The following PDE1A variants were observed in gnomAD, a reference collection of about 807,000 sequenced individuals.
The protein encoded by PDE1A is dual specificity calcium/calmodulin-dependent 3',5'-cyclic nucleotide phosphodiesterase 1A.
PDE1A carries 35 observed loss-of-function variants against 61.7 expected under a neutral mutation model. The observed-to-expected ratio is 0.57, with a 90% CI of 0.43 to 0.75. The LOEUF is 0.75. Ranked by LOEUF, PDE1A falls within the 30% of genes least tolerant of loss-of-function variation. The pLI, the probability that PDE1A is intolerant of heterozygous loss-of-function variation, is 0.00. For synonymous variants in PDE1A, 232 were observed against 213.2 expected (o/e 1.09, Z -0.77); for missense variants, 597 against 630.6 (o/e 0.95, Z 0.57).
At chr2:182,328,773 A>G (rs1697213702) in intron 1 of PDE1A, among the ~76,000 whole-genome samples, 1 of 152,240 alleles carries the variant, frequency 6.6e-6, no homozygotes, top group Non-Finnish European at 1.5e-5. Context: ...AAATACTTCT[A>G]GAGACTGTGA....
chr2:182,642,050 A>C, the PDE1A span, among the ~76,000 whole-genome samples: 1 of 152,248 alleles, frequency 6.6e-6, no homozygotes, highest in Non-Finnish European at 1.5e-5. Context: ...GTTTTCACGG[A>C]AAGGTTTCAT....
At chr2:182,609,490 G>A in the PDE1A span, among the ~76,000 whole-genome samples, 14 of 152,264 alleles carry the variant, frequency 9.2e-5, no homozygotes, top group African/African-American at 1.7e-4. Flanking sequence ...AACGCTTACC[G>A]TGAAGGTCTG....
At chr2:182,643,664 A>G in the PDE1A span, among the ~76,000 whole-genome samples, 1 of 152,174 alleles carries the variant, frequency 6.6e-6, no homozygotes, top group South Asian at 2.1e-4. Context: ...AACTATTAGC[A>G]TTGCTCTTTA....
chr2:182,663,921 C>T, the PDE1A span, among the ~76,000 whole-genome samples: 1 of 151,896 alleles, frequency 6.6e-6, no homozygotes, highest in Non-Finnish European at 1.5e-5. Context: ...ATTAAGAGTC[C>T]CCATTTTCTA....
chr2:182,635,010 T>C, the PDE1A span, among the ~76,000 whole-genome samples: 1 of 152,090 alleles, frequency 6.6e-6, no homozygotes, highest in East Asian at 1.9e-4. Flanking sequence ...AAAAGCATAA[T>C]CTGAATTTTA....
At chr2:182,690,634 C>G in the PDE1A span, among the ~76,000 whole-genome samples, 1 of 152,166 alleles carries the variant, frequency 6.6e-6, no homozygotes, top group African/African-American at 2.4e-5. Flanking sequence ...CAGGGATGCC[C>G]TCTCTCACCA....
intron 10 of PDE1A, among the ~76,000 whole-genome samples, chr2:182,201,032 A>C (rs1387459005): frequency 6.6e-6 from 1 of 152,198 alleles, no homozygotes; most frequent in East Asian, 1.9e-4. Context: ...GTGTCCACCC[A>C]GCTAAAGCAA....
intron 13 of PDE1A, among the ~76,000 whole-genome samples, chr2:182,185,008 G>A (rs76369280): frequency 0.015 from 2,261 of 152,128 alleles, 31 homozygotes; most frequent in South Asian, 0.057. Flanking sequence ...AATTGAAAAC[G>A]TTTCAATATT....
chr2:182,471,455 C>T (rs1395939449), intron 2 of PDE1A, among the ~76,000 whole-genome samples: 1 of 151,656 alleles, frequency 6.6e-6, no homozygotes, highest in South Asian at 2.1e-4. Flanking sequence ...ATTATGACTT[C>T]TCAAATTTTG....
At chr2:182,610,451 G>A in the PDE1A span, among the ~76,000 whole-genome samples, 1 of 152,034 alleles carries the variant, frequency 6.6e-6, no homozygotes, top group East Asian at 1.9e-4. Context: ...CTGCGGTTGA[G>A]GCAATCCCTG....
intron 1 of PDE1A, among the ~76,000 whole-genome samples, chr2:182,286,151 T>C (rs901449979): frequency 3.3e-5 from 5 of 152,112 alleles, no homozygotes; most frequent in African/African-American, 1.2e-4. Context: ...AATATGACGC[T>C]AGAAAGCTGC....
the PDE1A span, among the ~76,000 whole-genome samples, chr2:182,579,876 C>A: frequency 6.6e-6 from 1 of 152,098 alleles, no homozygotes; most frequent in East Asian, 1.9e-4. Context: ...TCCATGAGAA[C>A]AACAAACAGT....
At chr2:182,475,163 A>T (rs1687273432) in intron 2 of PDE1A, among the ~76,000 whole-genome samples, 1 of 151,940 alleles carries the variant, frequency 6.6e-6, no homozygotes, top group Non-Finnish European at 1.5e-5. Context: ...AGAGCCTTCC[A>T]CTACTTCAAC....
intron 1 of PDE1A, among the ~76,000 whole-genome samples, chr2:182,300,540 T>C (rs577377599): frequency 2.6e-5 from 4 of 152,264 alleles, no homozygotes; most frequent in African/African-American, 9.6e-5. Context: ...GCAGAACATA[T>C]ATTTAAGAGA....
chr2:182,338,975 T>C (rs1698014149), intron 1 of PDE1A, among the ~76,000 whole-genome samples: 1 of 152,222 alleles, frequency 6.6e-6, no homozygotes, highest in Non-Finnish European at 1.5e-5. Context: ...AGCCTTATTT[T>C]CTGTTGATGA....
At chr2:182,418,216 C>G (rs1703041562) in intron 1 of PDE1A, among the ~76,000 whole-genome samples, 1 of 152,080 alleles carries the variant, frequency 6.6e-6, no homozygotes, top group Non-Finnish European at 1.5e-5. Flanking sequence ...TTATGTTCAG[C>G]TTCTATTAAA....
chr2:182,260,145 C>G (rs763290143), intron 2 of PDE1A, among the ~76,000 whole-genome samples: 2 of 152,310 alleles, frequency 1.3e-5, no homozygotes, highest in Admixed American at 6.5e-5. Context: ...ATTCTGCAAT[C>G]ATTAAGGCTC....
intron 13 of PDE1A, among the ~76,000 whole-genome samples, chr2:182,161,238 TA>T (rs1457518666): frequency 1.3e-5 from 2 of 152,274 alleles, no homozygotes; most frequent in African/African-American, 4.8e-5. Flanking sequence ...CCATGGGACT[TA>T]AACTGCTGAA....
intron 13 of PDE1A, 69 bp downstream of exon 13, chr2:182,185,823 T>C (rs771353104): frequency 6.2e-6 from 10 of 1,605,220 alleles, no homozygotes; most frequent in Middle Eastern, 1.7e-4. Context: ...CTAGAAGAAG[T>C]AATCCAAACT....
Sources: gnomAD v4.1 joint callset for allele counts (sites outside exome capture counted in the v4.1 genomes callset) on GRCh38, gnomAD v4.1.1 for gene constraint, MANE v1.5 for transcripts, NCBI Gene and HGNC (gene_info 2026-07-23, HGNC 2026-07-21) for gene names.